The following PCDH15 variants were observed in gnomAD, a reference collection of about 807,000 sequenced individuals.
The protein encoded by PCDH15 is protocadherin related 15.
Under a neutral mutation model 178.5 loss-of-function variants are expected in PCDH15, and 129 were observed. The ratio of observed to expected loss-of-function variants is 0.72; its 90% CI spans 0.63 to 0.84. PCDH15 has a LOEUF of 0.84. Ranked by LOEUF, PCDH15 falls within the 40% of genes least tolerant of loss-of-function variation. The probability of loss-of-function intolerance (pLI) is 0.00; values close to 1 mark genes in which losing one functional copy is unlikely to be tolerated. For synonymous variants in PCDH15, 800 were observed against 732.0 expected (o/e 1.09, Z -1.50); for missense variants, 2,230 against 2,099.9 (o/e 1.06, Z -1.21).
intron 2 of PCDH15, among the ~76,000 whole-genome samples, chr10:55,101,150 G>A (rs376809996): frequency 6.6e-6 from 1 of 152,044 alleles, no homozygotes; most frequent in East Asian, 1.9e-4. Flanking sequence ...AGGCAGAGGC[G>A]AGCGGATCAC....
chr10:54,365,913 G>A (rs1209997696), intron 5 of PCDH15, among the ~76,000 whole-genome samples: 9 of 152,084 alleles, frequency 5.9e-5, no homozygotes, highest in East Asian at 5.8e-4. Flanking sequence ...ACATGTTTAC[G>A]AAGAGCGTAA....
chr10:55,272,528 C>T (rs1423306740), intron 1 of PCDH15, among the ~76,000 whole-genome samples: 1 of 151,824 alleles, frequency 6.6e-6, no homozygotes, highest in Non-Finnish European at 1.5e-5. Flanking sequence ...CCTACGGACA[C>T]ACACCACCAC....
chr10:53,971,778 G>A (rs1272507254), intron 21 of PCDH15, among the ~76,000 whole-genome samples: 4 of 152,084 alleles, frequency 2.6e-5, no homozygotes, highest in Non-Finnish European at 5.9e-5. Flanking sequence ...ACGGCTCAAG[G>A]AAATAAAAGA....
chr10:55,328,901 T>C (rs1844108565), intron 2 of PCDH15, among the ~76,000 whole-genome samples: 2 of 120,724 alleles, frequency 1.7e-5, no homozygotes, highest in Non-Finnish European at 3.4e-5. Context: ...TGACTGTATA[T>C]TTTCACACAA....
At chr10:55,209,130 A>G (rs762884645) in intron 1 of PCDH15, among the ~76,000 whole-genome samples, 18 of 152,224 alleles carry the variant, frequency 1.2e-4, no homozygotes, top group South Asian at 4.1e-4. Context: ...AGACTGTTAA[A>G]TGATGATGAA....
chr10:54,223,047 C>T (rs1185988720), intron 9 of PCDH15, among the ~76,000 whole-genome samples: 1 of 152,048 alleles, frequency 6.6e-6, no homozygotes, highest in Non-Finnish European at 1.5e-5. Flanking sequence ...CACAGTGGCT[C>T]ACGCCTGTTA....
chr10:54,884,795 G>A (rs2131809669), intron 3 of PCDH15, among the ~76,000 whole-genome samples: 1 of 152,092 alleles, frequency 6.6e-6, no homozygotes, highest in South Asian at 2.1e-4. Flanking sequence ...TATGTGCTCT[G>A]AGAACTAAAG....
chr10:54,290,646 GAC>G (rs1392861312), intron 8 of PCDH15, among the ~76,000 whole-genome samples: 2 of 152,126 alleles, frequency 1.3e-5, no homozygotes, highest in Non-Finnish European at 2.9e-5. Flanking sequence ...GTATTCAAGA[GAC>G]ACATCTCACA....
At chr10:54,331,774 C>G (rs539971024) in intron 6 of PCDH15, among the ~76,000 whole-genome samples, 2 of 152,118 alleles carry the variant, frequency 1.3e-5, no homozygotes, top group African/African-American at 4.8e-5. Context: ...CTCAGAACCC[C>G]AAATTAGCTC....
chr10:54,338,686 T>C (rs2384452), intron 6 of PCDH15, among the ~76,000 whole-genome samples: 10,836 of 152,244 alleles, frequency 0.071, 500 homozygotes, highest in African/African-American at 0.12. Flanking sequence ...AAGCTGCTTA[T>C]GCATATTGCT....
chr10:54,263,341 C>T (rs2057458713), intron 8 of PCDH15, among the ~76,000 whole-genome samples: 1 of 152,156 alleles, frequency 6.6e-6, no homozygotes, highest in Non-Finnish European at 1.5e-5. Context: ...GGGTCACCAC[C>T]AAGGCCCAGA....
At chr10:55,067,719 A>G (rs1188904170) in intron 2 of PCDH15, among the ~76,000 whole-genome samples, 1 of 150,478 alleles carries the variant, frequency 6.6e-6, no homozygotes. Context: ...AGTGTATAAG[A>G]GTCTAATTTT....
At chr10:55,576,782 G>T (rs943888065) in intron 2 of PCDH15, among the ~76,000 whole-genome samples, 1 of 150,858 alleles carries the variant, frequency 6.6e-6, no homozygotes, top group African/African-American at 2.4e-5. Flanking sequence ...AATAGTGAAA[G>T]CAATAATATT....
intron 2 of PCDH15, among the ~76,000 whole-genome samples, chr10:55,328,975 C>A (rs1347801603): frequency 7.2e-6 from 1 of 138,108 alleles, no homozygotes; most frequent in Non-Finnish European, 1.6e-5. Context: ...GGGATGTACA[C>A]AAACATTTGG....
chr10:55,498,561 C>A (rs1840585935), intron 2 of PCDH15, among the ~76,000 whole-genome samples: 1 of 151,862 alleles, frequency 6.6e-6, no homozygotes, highest in Non-Finnish European at 1.5e-5. Flanking sequence ...TTACACATAA[C>A]CTCATTGTTC....
chr10:54,799,069 A>G (rs1952359016), intron 1 of PCDH15, among the ~76,000 whole-genome samples: 1 of 152,156 alleles, frequency 6.6e-6, no homozygotes, highest in South Asian at 2.1e-4. Context: ...AAGTGATAAC[A>G]CAAAGGAATC....
chr10:54,367,324 C>T (rs989112034), intron 5 of PCDH15, among the ~76,000 whole-genome samples: 2 of 151,928 alleles, frequency 1.3e-5, no homozygotes, highest in Non-Finnish European at 1.5e-5. Flanking sequence ...AATTGCAAAA[C>T]TTTTGAAAAG....
At chr10:55,545,959 T>A (rs1424488351) in intron 2 of PCDH15, among the ~76,000 whole-genome samples, 1 of 152,092 alleles carries the variant, frequency 6.6e-6, no homozygotes, top group East Asian at 1.9e-4. Context: ...TTACAGAAAT[T>A]TTTTCAACTT....
At chr10:54,991,579 G>A (rs1018708875) in intron 2 of PCDH15, among the ~76,000 whole-genome samples, 3 of 152,024 alleles carry the variant, frequency 2.0e-5, no homozygotes, top group Non-Finnish European at 4.4e-5. Flanking sequence ...GAGATTTCTG[G>A]TTTTTATCCC....
Sources: allele counts gnomAD v4.1 joint callset (sites outside exome capture counted in the v4.1 genomes callset), GRCh38; gene constraint gnomAD v4.1.1; transcripts MANE v1.5; gene names NCBI Gene and HGNC (gene_info 2026-07-23, HGNC 2026-07-21).